DHRSX: variants seen among roughly 807,000 people sequenced by gnomAD.
The protein encoded by DHRSX is dehydrogenase/reductase X-linked.
DHRSX carries 31 observed loss-of-function variants against 34.0 expected under a neutral mutation model. The observed-to-expected ratio is 0.91, with a 90% CI of 0.69 to 1.23. The LOEUF (loss-of-function observed/expected upper bound fraction) is 1.23. Among genes scored for constraint, DHRSX ranks in the 50% most tolerant of loss-of-function variants. DHRSX has a pLI of 0.00. For missense variants in DHRSX, 414 were observed against 428.1 expected, an observed-to-expected ratio of 0.97 and a Z score of 0.29; for synonymous variants, 201 against 183.8, an observed-to-expected ratio of 1.09 and a Z score of -0.76.
intron 3 of DHRSX, among the ~76,000 whole-genome samples, chrX:2,328,043 G>A (rs1394865261): frequency 1.5e-4 from 21 of 140,886 alleles, no homozygotes; most frequent in African/African-American, 4.3e-4. Context: ...TCCCGCCACT[G>A]CACTCCAGCC....
At chrX:2,284,177 C>G (rs1350406032) in intron 4 of DHRSX, among the ~76,000 whole-genome samples, 1 of 131,492 alleles carries the variant, frequency 7.6e-6, no homozygotes. Context: ...CCTTTGAATT[C>G]ATACATTCCT....
chrX:2,298,207 C>T (rs1602893419), intron 3 of DHRSX, among the ~76,000 whole-genome samples: 1 of 151,914 alleles, frequency 6.6e-6, no homozygotes, highest in African/African-American at 2.4e-5. Flanking sequence ...AAGGATCCTC[C>T]CCTAGAGCGT....
chrX:2,490,378 G>A (rs371626336), intron 1 of DHRSX: 91 of 1,613,630 alleles, frequency 5.6e-5, no homozygotes, highest in South Asian at 3.8e-4. Context: ...AGCCGTGGCC[G>A]GCCTTGACGG....
chrX:2,257,322 G>A lies in DHRSX; in HGVS notation c.596+9418C>T, dbSNP rs2041293142. 3.9e-5 allele frequency among the ~76,000 whole-genome samples: 6 copies of A among 152,180 alleles called. No homozygotes were observed. In the South Asian group the frequency reaches 1.2e-3, roughly 32 times the overall value. On this transcript the variant is annotated intron_variant, in intron 5 of 6. Transcript: ENST00000334651. The stretch of plus-strand genomic sequence containing the variant: ...GGATGACACAAGAACAGAAAAATCA[G>A]GGAGATGGAGACGGAGCTAACCACG...
At chrX:2,484,904 A>G (rs1320297) in intron 1 of DHRSX, among the ~76,000 whole-genome samples, 129,913 of 151,666 alleles carry the variant, frequency 0.86, 56,045 homozygotes, top group African/African-American at 0.95. Context: ...AGATTTCGGC[A>G]CCCCAGAAAC....
chrX:2,447,113 A>C (rs1175293465), intron 1 of DHRSX, among the ~76,000 whole-genome samples: 2 of 151,792 alleles, frequency 1.3e-5, no homozygotes, highest in South Asian at 2.1e-4. Context: ...CACACTGAAG[A>C]TATTCCCTAA....
At chrX:2,284,509 G>A (rs191275456) in intron 4 of DHRSX, among the ~76,000 whole-genome samples, 199 of 152,248 alleles carry the variant, frequency 1.3e-3, no homozygotes, top group African/African-American at 4.6e-3. Context: ...TATTTTTCAG[G>A]GTCACCCTGT....
intron 5 of DHRSX, among the ~76,000 whole-genome samples, chrX:2,259,102 G>A (rs1369336663): frequency 6.6e-6 from 1 of 151,942 alleles, no homozygotes; most frequent in Non-Finnish European, 1.5e-5. Context: ...GTGAACCCCC[G>A]TCTCTACTAA....
At chrX:2,293,270 C>T (rs66994561) in intron 3 of DHRSX, among the ~76,000 whole-genome samples, 50,368 of 128,846 alleles carry the variant, frequency 0.39, 9,836 homozygotes, top group Middle Eastern at 0.48. Flanking sequence ...TTTTTTTTTT[C>T]CCAGAAGGAC....
At chrX:2,370,846 C>T (rs192514173) in intron 3 of DHRSX, among the ~76,000 whole-genome samples, 1 of 152,268 alleles carries the variant, frequency 6.6e-6, no homozygotes, top group East Asian at 1.9e-4. Flanking sequence ...GATCAAGCAA[C>T]GCTTCCTTAG....
At chrX:2,395,887 C>T (rs1272799903) in intron 3 of DHRSX, among the ~76,000 whole-genome samples, 3 of 152,100 alleles carry the variant, frequency 2.0e-5, no homozygotes, top group African/African-American at 4.8e-5. Flanking sequence ...TATTCCTGCC[C>T]GATCTATGTC....
At chrX:2,226,885 A>G (rs963161610) in intron 6 of DHRSX, among the ~76,000 whole-genome samples, 8 of 152,132 alleles carry the variant, frequency 5.3e-5, no homozygotes, top group African/African-American at 1.9e-4. Context: ...CAGGTAGGGA[A>G]AACAGCAAAG....
At chrX:2,407,191 G>T (rs932725669) in intron 3 of DHRSX, among the ~76,000 whole-genome samples, 54 of 152,168 alleles carry the variant, frequency 3.5e-4, no homozygotes, top group Admixed American at 1.3e-4. Flanking sequence ...ATTCTTCTTA[G>T]GTCGAGTCCA....
intron 3 of DHRSX, among the ~76,000 whole-genome samples, chrX:2,330,071 GGC>G (rs2042439280): frequency 1.4e-4 from 1 of 7,074 alleles, no homozygotes; most frequent in African/African-American, 2.3e-4. Flanking sequence ...GCAGAGAGAC[GGC>G]GGGGGGGGGG....
At chrX:2,430,503 G>T (rs1226724983) in intron 1 of DHRSX, among the ~76,000 whole-genome samples, 1 of 152,076 alleles carries the variant, frequency 6.6e-6, no homozygotes, top group Non-Finnish European at 1.5e-5. Flanking sequence ...AGGGTTTTGG[G>T]TTTTCACAGC....
chrX:2,478,664 G>T (rs868523597), intron 1 of DHRSX, among the ~76,000 whole-genome samples: 2 of 151,872 alleles, frequency 1.3e-5, no homozygotes, highest in Non-Finnish European at 1.5e-5. Context: ...CCAGGGGACT[G>T]CCACCGTGTA....
In DHRSX at chrX:2,370,430, C is replaced by G. The variant is rs182384131; in HGVS notation, c.286+38315G>C. Among the ~76,000 whole-genome samples, 331 of 152,156 alleles carry G rather than the reference C, an allele frequency of 2.2e-3. 3 individuals are homozygous for G. The highest frequency in any genetic ancestry group is 7.2e-3 in the African/African-American group (298 of 41,518). ...CAGGTGATCCACCCGCCTCGGCATC[C>G]CAAAGTGCTGGGATGACAGTCTGAG... is the stretch of plus-strand genomic sequence containing the variant. On this transcript the variant is annotated intron_variant, in intron 3 of 6. Coordinates refer to ENST00000334651, the MANE Select transcript of DHRSX (RefSeq NM_145177.3).
chrX:2,419,278 A>C (rs1238236231), intron 2 of DHRSX, among the ~76,000 whole-genome samples: 1 of 152,174 alleles, frequency 6.6e-6, no homozygotes, highest in Non-Finnish European at 1.5e-5. Context: ...ACACAGGAGA[A>C]AGTGGCCATC....
chrX:2,403,528 A>C (rs1484866926), intron 3 of DHRSX, among the ~76,000 whole-genome samples: 1 of 152,218 alleles, frequency 6.6e-6, no homozygotes, highest in Non-Finnish European at 1.5e-5. Context: ...ATGATCGAAT[A>C]TCCTACACAA....
Sources: gnomAD v4.1 joint callset for allele counts (sites outside exome capture counted in the v4.1 genomes callset) on GRCh38, gnomAD v4.1.1 for gene constraint, MANE v1.5 for transcripts, NCBI Gene and HGNC (gene_info 2026-07-23, HGNC 2026-07-21) for gene names.